ZNF804A: variants seen among roughly 807,000 people sequenced by gnomAD.
The protein encoded by ZNF804A is zinc finger protein 804A.
ZNF804A carries 2 observed loss-of-function variants against 16.5 expected under a neutral mutation model. The ratio of observed to expected loss-of-function variants is 0.12; its 90% CI spans 0.05 to 0.38. ZNF804A has a LOEUF of 0.38. ZNF804A is among the 10% of genes least tolerant of loss of function. The pLI is 0.99. For synonymous variants in ZNF804A, 534 were observed against 489.6 expected (o/e 1.09, Z -1.20); for missense variants, 1,473 against 1,390.7 (o/e 1.06, Z -0.94).
intron 1 of ZNF804A, among the ~76,000 whole-genome samples, chr2:184,854,943 C>T (rs1216236343): frequency 6.6e-6 from 1 of 151,926 alleles, no homozygotes; most frequent in Non-Finnish European, 1.5e-5. Context: ...AAAGACACGA[C>T]ATTAATTTAA....
At chr2:184,922,697 C>T (rs1487116681) in intron 2 of ZNF804A, among the ~76,000 whole-genome samples, 1 of 151,882 alleles carries the variant, frequency 6.6e-6, no homozygotes, top group Non-Finnish European at 1.5e-5. Context: ...TGAAGAGTTT[C>T]CCCAGTGTTT....
At chr2:184,777,141 C>T (rs1694301467) in intron 1 of ZNF804A, among the ~76,000 whole-genome samples, 1 of 151,402 alleles carries the variant, frequency 6.6e-6, no homozygotes, top group Admixed American at 6.6e-5. Context: ...ATGAGTCATC[C>T]TCCTTACCCA....
At chr2:184,802,913 G>T (rs1694748377) in intron 1 of ZNF804A, among the ~76,000 whole-genome samples, 1 of 152,082 alleles carries the variant, frequency 6.6e-6, no homozygotes, top group African/African-American at 2.4e-5. Flanking sequence ...CATGACTTCT[G>T]CATGAGCTAG....
Position 184,938,452 on chromosome 2 carries a change from C to T in ZNF804A, c.3056C>T (p.Thr1019Ile). The T allele has an allele frequency of 6.2e-7, 1 of 1,614,090 alleles. No individual in the cohort carries two copies. Among genetic ancestry groups the T allele is most frequent in the Non-Finnish European group, 8.5e-7 (1 of 1,180,010 alleles). The change falls in exon 4 of 4, where the codon ACA (threonine) becomes ATA (isoleucine). Residue 1019 changes from threonine (T) to isoleucine (I), a missense_variant. Thr to Ile is a moderately conservative substitution (Grantham distance 89). Transcript: ENST00000302277. ...CATGTCAGTGGTCATACTTTTGTAA[C>T]AGCTGAGCAAATCCTGGCTCCATTA... ...EAHVSGHTFV[T>I]AEQILAPLAL...
At position 184,816,158 on chromosome 2, in the gene ZNF804A, A is replaced by C. The variant is rs566491967; in HGVS notation, c.112-50211A>C. Among the ~76,000 whole-genome samples, 14 of 152,114 alleles carry C rather than the reference A, an allele frequency of 9.2e-5. No homozygotes were observed. The South Asian group carries it at 2.9e-3, about 32-fold the overall frequency. The stretch of plus-strand genomic sequence containing the variant: ...TAATGGAATACAACTTTAGGCTACA[A>C]CTTTATTAGCTTAAACCAAGAATAT... On this transcript the variant is annotated intron_variant, in intron 1 of 3. Coordinates refer to ENST00000302277, the MANE Select transcript of ZNF804A (RefSeq NM_194250.2).
intron 1 of ZNF804A, among the ~76,000 whole-genome samples, chr2:184,710,336 G>T (rs980915750): frequency 3.2e-4 from 48 of 151,438 alleles, no homozygotes; most frequent in Non-Finnish European, 3.7e-4. Flanking sequence ...GAATTCCCAA[G>T]AAACCATTCA....
chr2:184,884,370 T>C (rs925138513), intron 2 of ZNF804A, among the ~76,000 whole-genome samples: 4 of 152,168 alleles, frequency 2.6e-5, no homozygotes, highest in Non-Finnish European at 5.9e-5. Context: ...ATTGCCATAC[T>C]TTCCAAAGCA....
At chr2:184,848,412 C>T (rs1328712417) in intron 1 of ZNF804A, among the ~76,000 whole-genome samples, 1 of 151,982 alleles carries the variant, frequency 6.6e-6, no homozygotes, top group Non-Finnish European at 1.5e-5. Flanking sequence ...GGTATTCTAT[C>T]ACTGTTTCTT....
At chr2:184,787,007 G>T (rs1694458571) in intron 1 of ZNF804A, among the ~76,000 whole-genome samples, 1 of 151,570 alleles carries the variant, frequency 6.6e-6, no homozygotes, top group South Asian at 2.1e-4. Flanking sequence ...GTGCTTGTTT[G>T]TTCCACCATA....
intron 1 of ZNF804A, among the ~76,000 whole-genome samples, chr2:184,645,499 A>G (rs888781010): frequency 1.3e-5 from 2 of 152,192 alleles, no homozygotes; most frequent in African/African-American, 4.8e-5. Context: ...ATATTCATTT[A>G]TTAGATATAG....
intron 1 of ZNF804A, among the ~76,000 whole-genome samples, chr2:184,756,106 T>A (rs1245451136): frequency 6.6e-6 from 1 of 152,008 alleles, no homozygotes; most frequent in African/African-American, 2.4e-5. Flanking sequence ...TTTATAGAGT[T>A]TTTTTCCTCA....
At chr2:184,854,339 T>C (rs989154295) in intron 1 of ZNF804A, among the ~76,000 whole-genome samples, 1 of 151,962 alleles carries the variant, frequency 6.6e-6, no homozygotes, top group Non-Finnish European at 1.5e-5. Context: ...GAAATAACTT[T>C]TCCACACTTG....
rs148148742 is a variant in ZNF804A at position 184,697,685 on chromosome 2, T to G, written c.111+98615T>G. Among the ~76,000 whole-genome samples, 315 of 152,146 alleles carry G rather than the reference T, an allele frequency of 2.1e-3. 2 individuals are homozygous for G. The highest frequency in any genetic ancestry group is 6.9e-3 in the African/African-American group (288 of 41,548). ...TAGTTGTCCTTCTAACATTAAATAATGAGAAATTATCACCATGAAAATGAC... is the reference window on the plus strand; with the variant it reads ...TAGTTGTCCTTCTAACATTAAATAAGGAGAAATTATCACCATGAAAATGAC... On this transcript the variant is annotated intron_variant, in intron 1 of 3. Coordinates refer to ENST00000302277, the MANE Select transcript of ZNF804A (RefSeq NM_194250.2).
At chr2:184,692,439 C>T (rs1692747647) in intron 1 of ZNF804A, among the ~76,000 whole-genome samples, 2 of 152,200 alleles carry the variant, frequency 1.3e-5, no homozygotes, top group South Asian at 4.2e-4. Flanking sequence ...AGCACAAAGA[C>T]AAGAAATTAT....
At chr2:184,668,115 C>T (rs1030456298) in intron 1 of ZNF804A, among the ~76,000 whole-genome samples, 1 of 151,602 alleles carries the variant, frequency 6.6e-6, no homozygotes, top group Non-Finnish European at 1.5e-5. Flanking sequence ...TATAACAACT[C>T]AAAGGACATA....
chr2:184,649,095 T>C (rs1486028321), intron 1 of ZNF804A, among the ~76,000 whole-genome samples: 1 of 152,010 alleles, frequency 6.6e-6, no homozygotes, highest in African/African-American at 2.4e-5. Flanking sequence ...TCTTGGAAGA[T>C]AGTAGAGTGA....
chr2:184,797,511 A>C (rs2105781292), intron 1 of ZNF804A, among the ~76,000 whole-genome samples: 1 of 152,010 alleles, frequency 6.6e-6, no homozygotes, highest in Middle Eastern at 3.4e-3. Flanking sequence ...AGTTTATATG[A>C]GTCTGTGTGT....
chr2:184,876,602 A>T (rs1684683690), intron 2 of ZNF804A, among the ~76,000 whole-genome samples: 1 of 152,162 alleles, frequency 6.6e-6, no homozygotes, highest in Middle Eastern at 3.2e-3. Flanking sequence ...CTATTTTGAC[A>T]TTTCTCATTT....
chr2:184,923,320 ATTAC>A (rs1685560246), intron 2 of ZNF804A, among the ~76,000 whole-genome samples: 1 of 151,956 alleles, frequency 6.6e-6, no homozygotes, highest in African/African-American at 2.4e-5. Flanking sequence ...TGCAAATGAA[ATTAC>A]TTTCTTAATT....
Sources: allele counts gnomAD v4.1 joint callset (sites outside exome capture counted in the v4.1 genomes callset), GRCh38; gene constraint gnomAD v4.1.1; transcripts MANE v1.5; gene names NCBI Gene and HGNC (gene_info 2026-07-23, HGNC 2026-07-21).